The following LARGE1 variants were observed in gnomAD, a reference collection of about 807,000 sequenced individuals.
LARGE1 encodes the protein xylosyl- and glucuronyltransferase LARGE1.
A neutral mutation model predicts 87.6 loss-of-function variants in LARGE1; 43 were observed. That is an observed-to-expected ratio of 0.49 (90% CI 0.38 to 0.63). LARGE1 has a LOEUF of 0.63. Among genes scored for constraint, LARGE1 ranks in the 30% least tolerant of loss-of-function variants. LARGE1 has a pLI of 0.00. For synonymous variants in LARGE1, 434 were observed against 394.6 expected, an observed-to-expected ratio of 1.10 and a Z score of -1.18; for missense variants, 802 against 1,000.2, an observed-to-expected ratio of 0.80 and a Z score of 2.67.
At chr22:33,689,030 G>C (rs947922043) in intron 2 of LARGE1, among the ~76,000 whole-genome samples, 7 of 152,036 alleles carry the variant, frequency 4.6e-5, no homozygotes, top group African/African-American at 1.7e-4. Flanking sequence ...ATCAAGCCCT[G>C]GTTTAGCGCT....
intron 9 of LARGE1, among the ~76,000 whole-genome samples, chr22:33,377,516 T>C (rs62225265): frequency 0.31 from 47,463 of 152,124 alleles, 8,183 homozygotes; most frequent in African/African-American, 0.45. Context: ...TATAATTTTC[T>C]TTTAGAGAGG....
chr22:33,657,777 AAAC>A lies in LARGE1; in HGVS notation c.107-7112_107-7110del, dbSNP rs1362388919. Among the ~76,000 whole-genome samples the A allele has an allele frequency of 3.3e-5, 5 of 152,292 alleles. No individual in the cohort carries two copies. The East Asian group carries it at 9.6e-4, about 29-fold the overall frequency. ...ACGTTTGCAGTCTGATAATGCACAA[AAAC>A]AACTCTATCTACTTCAAGGTCATCC... On this transcript the variant is annotated intron_variant, in intron 2 of 14. Transcript: ENST00000397394.
chr22:33,578,440 G>A (rs565506198), intron 5 of LARGE1, among the ~76,000 whole-genome samples: 80 of 152,028 alleles, frequency 5.3e-4, no homozygotes, highest in Non-Finnish European at 8.7e-4. Flanking sequence ...AGATACTAAG[G>A]AAAGAGGAGT....
chr22:33,242,222 A>T (rs1391979413), intron 11 of LARGE1, among the ~76,000 whole-genome samples: 1 of 152,144 alleles, frequency 6.6e-6, no homozygotes, highest in Non-Finnish European at 1.5e-5. Flanking sequence ...GCAGGTGGGA[A>T]CCCTGAATCA....
chr22:33,624,968 T>C (rs144589432), intron 4 of LARGE1, among the ~76,000 whole-genome samples: 88 of 152,282 alleles, frequency 5.8e-4, no homozygotes, highest in African/African-American at 2.1e-3. Context: ...AGAGAGAAGG[T>C]AGAACCAATG....
intron 9 of LARGE1, among the ~76,000 whole-genome samples, chr22:33,381,236 C>A (rs2065144453): frequency 1.3e-5 from 2 of 152,188 alleles, no homozygotes; most frequent in Non-Finnish European, 2.9e-5. Flanking sequence ...AACTCATCAA[C>A]TATATAAATG....
At chr22:33,248,555 C>T (rs1201928295) in intron 11 of LARGE1, among the ~76,000 whole-genome samples, 1 of 152,166 alleles carries the variant, frequency 6.6e-6, no homozygotes, top group Non-Finnish European at 1.5e-5. Flanking sequence ...AATTGATGAA[C>T]CAACATTAAC....
chr22:33,605,909 T>C (rs551310983), intron 4 of LARGE1, among the ~76,000 whole-genome samples: 19 of 151,756 alleles, frequency 1.3e-4, no homozygotes, highest in African/African-American at 4.6e-4. Context: ...CAGAAGGACG[T>C]GTAAGAGGAG....
chr22:33,905,506 T>C (rs1330942072), intron 1 of LARGE1, among the ~76,000 whole-genome samples: 2 of 152,224 alleles, frequency 1.3e-5, no homozygotes. Flanking sequence ...AAAATAAAAC[T>C]TTCACATCAC....
the LARGE1 span, among the ~76,000 whole-genome samples, chr22:33,068,120 AG>A: frequency 6.6e-6 from 1 of 152,214 alleles, no homozygotes; most frequent in South Asian, 2.1e-4. Context: ...AGTGGAACAG[AG>A]AAAACCATGG....
At chr22:33,403,758 C>A (rs1382153837) in intron 7 of LARGE1, among the ~76,000 whole-genome samples, 1 of 152,086 alleles carries the variant, frequency 6.6e-6, no homozygotes, top group Non-Finnish European at 1.5e-5. Flanking sequence ...TGCCTGCCAC[C>A]ACGCCTGGCT....
chr22:33,844,362 G>C (rs1029181952), intron 1 of LARGE1, among the ~76,000 whole-genome samples: 1 of 152,158 alleles, frequency 6.6e-6, no homozygotes, highest in African/African-American at 2.4e-5. Context: ...AATGCTCCCT[G>C]GCACAGGGAG....
chr22:33,111,055 T>C, the LARGE1 span, among the ~76,000 whole-genome samples: 1 of 152,160 alleles, frequency 6.6e-6, no homozygotes, highest in South Asian at 2.1e-4. Flanking sequence ...CCAAGACAGA[T>C]AAAAGACACT....
intron 1 of LARGE1, among the ~76,000 whole-genome samples, chr22:33,821,467 C>A (rs1309731331): frequency 1.3e-5 from 2 of 152,292 alleles, no homozygotes; most frequent in East Asian, 3.9e-4. Flanking sequence ...CCCCACCATG[C>A]CTTACAGATA....
Position 33,458,326 on chromosome 22 carries a change from G to C in LARGE1, c.788-26061C>G, listed in dbSNP as rs377316876. ...TCACTGTGTCAGCCAGGATGGTCTC[G>C]ATCTCCTGACCTCATGATCCGCCCG... is the stretch of plus-strand genomic sequence containing the variant. On this transcript the variant is annotated intron_variant, in intron 6 of 14. Coordinates refer to ENST00000397394, the MANE Select transcript of LARGE1 (RefSeq NM_133642.5). Among the ~76,000 whole-genome samples, 23 of 152,150 alleles carry C rather than the reference G, an allele frequency of 1.5e-4. No individual in the cohort carries two copies. The East Asian group carries it at 3.1e-3, about 20-fold the overall frequency.
intron 3 of LARGE1, among the ~76,000 whole-genome samples, chr22:33,638,096 T>C (rs1157214490): frequency 1.3e-5 from 2 of 152,174 alleles, no homozygotes; most frequent in Non-Finnish European, 1.5e-5. Context: ...ATGAAGCTAA[T>C]AAAATGTGTG....
intron 13 of LARGE1, 146 bp downstream of exon 13, chr22:33,283,056 T>C (rs1030128291): frequency 8.1e-6 from 8 of 993,224 alleles, no homozygotes; most frequent in Non-Finnish European, 1.3e-5. Flanking sequence ...TACAAGGACG[T>C]TGTCTGGAGA....
intron 6 of LARGE1, among the ~76,000 whole-genome samples, chr22:33,517,045 A>G (rs2071342733): frequency 6.6e-6 from 1 of 152,194 alleles, no homozygotes. Flanking sequence ...TAAAAAAGGG[A>G]CGAGGAGTGT....
intron 1 of LARGE1, among the ~76,000 whole-genome samples, chr22:33,856,363 T>C (rs954932958): frequency 2.6e-5 from 4 of 152,162 alleles, no homozygotes; most frequent in Admixed American, 2.6e-4. Context: ...CACTTCCCCC[T>C]CAGAGCCTCA....
Sources: allele counts gnomAD v4.1 joint callset (sites outside exome capture counted in the v4.1 genomes callset), GRCh38; gene constraint gnomAD v4.1.1; transcripts MANE v1.5; gene names NCBI Gene and HGNC (gene_info 2026-07-23, HGNC 2026-07-21).